Variants in DIS3L2 observed in about 807,000 individuals in gnomAD.
The protein encoded by DIS3L2 is DIS3-like exonuclease 2.
DIS3L2 carries 34 observed loss-of-function variants against 97.5 expected under a neutral mutation model. That is an observed-to-expected ratio of 0.35 (90% CI 0.27 to 0.46). DIS3L2 has a LOEUF of 0.46. Ranked by LOEUF, DIS3L2 falls within the 20% of genes least tolerant of loss-of-function variation. The pLI, the probability that DIS3L2 is intolerant of heterozygous loss-of-function variation, is 1.00. For missense variants in DIS3L2, 1,038 were observed against 1,146.0 expected, an observed-to-expected ratio of 0.91 and a Z score of 1.36; for synonymous variants, 435 against 445.2, an observed-to-expected ratio of 0.98 and a Z score of 0.29.
At chr2:232,332,183 C>T (rs1352271502) in intron 16 of DIS3L2, among the ~76,000 whole-genome samples, 2 of 146,634 alleles carry the variant, frequency 1.4e-5, no homozygotes, top group African/African-American at 2.5e-5. Flanking sequence ...TCACCCAGGT[C>T]ATCTGGGGAA....
chr2:232,167,443 T>G (rs1251767916), intron 9 of DIS3L2, among the ~76,000 whole-genome samples: 1 of 152,214 alleles, frequency 6.6e-6, no homozygotes, highest in Non-Finnish European at 1.5e-5. Flanking sequence ...AAAATTTTAC[T>G]TTAACAACTA....
chr2:232,084,232 G>A (rs1300096158), intron 5 of DIS3L2, among the ~76,000 whole-genome samples: 2 of 152,134 alleles, frequency 1.3e-5, no homozygotes, highest in African/African-American at 2.4e-5. Flanking sequence ...TGCAGATGGG[G>A]GAGCTGGTTT....
intron 9 of DIS3L2, among the ~76,000 whole-genome samples, chr2:232,203,409 C>G (rs1039750434): frequency 6.6e-6 from 1 of 152,146 alleles, no homozygotes; most frequent in Non-Finnish European, 1.5e-5. Context: ...GAAAAGGACA[C>G]CCTTGGAAAC....
chr2:232,323,882 T>G (rs1209078233), intron 14 of DIS3L2, among the ~76,000 whole-genome samples: 2 of 151,896 alleles, frequency 1.3e-5, no homozygotes, highest in African/African-American at 4.8e-5. Context: ...GTGCTCTGCC[T>G]GCGGCTCCCT....
At position 232,325,799 on chromosome 2, in the gene DIS3L2, G is replaced by A. The variant is rs2003220; in HGVS notation, c.1740-4014G>A. Among the ~76,000 whole-genome samples, 17,015 of 152,248 alleles carry A rather than the reference G, an allele frequency of 0.11. 1,402 individuals carry two copies. The highest frequency in any genetic ancestry group is 0.23 in the African/African-American group (9,688 of 41,532). On this transcript the variant is annotated intron_variant, in intron 14 of 20. Coordinates refer to ENST00000325385, the MANE Select transcript of DIS3L2 (RefSeq NM_152383.5). This position sits in a 1 kb window ranked among gnomAD's most constrained non-coding sequence, Gnocchi z 4.6. The stretch of plus-strand genomic sequence containing the variant: ...CCTGAGCTCCAGCGCCCCATCCCCC[G>A]CAGGGCCCAGTGATCTCACGCCTGT...
chr2:232,055,092 C>G (rs866593544), intron 5 of DIS3L2, among the ~76,000 whole-genome samples: 37 of 152,178 alleles, frequency 2.4e-4, no homozygotes, highest in African/African-American at 8.4e-4. Flanking sequence ...AGAAGACTTT[C>G]ATCTGATAAA....
rs116944804 is a variant in DIS3L2, at chr2:232,236,168, A to T, written c.1205-2365A>T. Among the ~76,000 whole-genome samples the T allele has an allele frequency of 1.3e-3, 199 of 151,896 alleles. 9 individuals are homozygous for T. In the East Asian group the frequency reaches 0.036, roughly 27 times the overall value. ...ATCTTAAATTCTTTTCCTTGCCTGAACCCCTTTTTTCAAGCATCCCACGTT... is the reference window on the plus strand; with the variant it reads ...ATCTTAAATTCTTTTCCTTGCCTGATCCCCTTTTTTCAAGCATCCCACGTT... On this transcript the variant is annotated intron_variant, in intron 10 of 20. Transcript: ENST00000325385.
chr2:232,242,189 A>G (rs1359721835), intron 11 of DIS3L2, among the ~76,000 whole-genome samples: 1 of 152,234 alleles, frequency 6.6e-6, no homozygotes, highest in Non-Finnish European at 1.5e-5. Flanking sequence ...TGGCAAGTGA[A>G]TTAATCTATT....
chr2:232,148,927 G>C (rs1690308827), intron 8 of DIS3L2, among the ~76,000 whole-genome samples: 2 of 147,228 alleles, frequency 1.4e-5, no homozygotes. Context: ...TACATTTACT[G>C]ATTGAAGCAG....
intron 13 of DIS3L2, among the ~76,000 whole-genome samples, chr2:232,266,362 C>T (rs1472501369): frequency 1.3e-5 from 2 of 152,212 alleles, no homozygotes; most frequent in African/African-American, 4.8e-5. Flanking sequence ...TGCTTATATG[C>T]AAGAAATTCA....
Position 232,327,136 on chromosome 2 carries a change from A to G in DIS3L2, c.1740-2677A>G, listed in dbSNP as rs538135031. Among the ~76,000 whole-genome samples, 382 of 152,016 alleles carry G rather than the reference A, an allele frequency of 2.5e-3. 1 individual carries two copies. Among genetic ancestry groups the G allele is most frequent in the Non-Finnish European group, 4.4e-3 (301 of 67,916 alleles). ...GCCCTGAGAGGCCCCCAGATATTCAATTCCTAAACCCATAGAGGGTGGGGC... is the reference window on the plus strand; with the variant it reads ...GCCCTGAGAGGCCCCCAGATATTCAGTTCCTAAACCCATAGAGGGTGGGGC... On this transcript the variant is annotated intron_variant, in intron 14 of 20. Coordinates refer to ENST00000325385, the MANE Select transcript of DIS3L2 (RefSeq NM_152383.5).
At chr2:232,256,604 C>T (rs771925998) in intron 12 of DIS3L2, among the ~76,000 whole-genome samples, 7 of 152,208 alleles carry the variant, frequency 4.6e-5, no homozygotes, top group Non-Finnish European at 1.0e-4. Flanking sequence ...TTGCTTTCCA[C>T]TCCTCTTTCC....
intron 13 of DIS3L2, among the ~76,000 whole-genome samples, chr2:232,283,268 C>A (rs1694344738): frequency 6.6e-6 from 1 of 152,196 alleles, no homozygotes; most frequent in Non-Finnish European, 1.5e-5. Context: ...GGAATCATTT[C>A]TCTTTTTATT....
At chr2:232,244,893 C>T (rs1445832195) in intron 11 of DIS3L2, among the ~76,000 whole-genome samples, 1 of 152,150 alleles carries the variant, frequency 6.6e-6, no homozygotes, top group African/African-American at 2.4e-5. Flanking sequence ...CTTAGCAACT[C>T]ACCTCCACAC....
intron 6 of DIS3L2, among the ~76,000 whole-genome samples, chr2:232,121,537 T>TA (rs1362763216): frequency 6.6e-6 from 1 of 152,188 alleles, no homozygotes; most frequent in Non-Finnish European, 1.5e-5. Context: ...TCTGATACCT[T>TA]AAACTAAAAA....
chr2:232,186,884 A>G (rs553424715), intron 9 of DIS3L2, among the ~76,000 whole-genome samples: 1 of 152,336 alleles, frequency 6.6e-6, no homozygotes, highest in East Asian at 1.9e-4. Flanking sequence ...CAAAAGAGTA[A>G]ACCTTAGTGA....
intron 9 of DIS3L2, among the ~76,000 whole-genome samples, chr2:232,164,033 G>A (rs928476216): frequency 1.3e-5 from 2 of 152,152 alleles, no homozygotes; most frequent in Non-Finnish European, 2.9e-5. Flanking sequence ...AGACCATATG[G>A]CCTGCAAAGC....
chr2:231,976,733 C>T (rs547834551), intron 1 of DIS3L2, among the ~76,000 whole-genome samples: 2 of 149,906 alleles, frequency 1.3e-5, no homozygotes, highest in Non-Finnish European at 3.0e-5. Context: ...TTATGTTAGC[C>T]TAAAGTTTGG....
chr2:232,320,185 G>C (rs528822839), intron 14 of DIS3L2, among the ~76,000 whole-genome samples: 38 of 152,114 alleles, frequency 2.5e-4, no homozygotes, highest in South Asian at 6.2e-4. Context: ...GTTCTGGGGG[G>C]GGTGGGGGAC....
Sources: gnomAD v4.1 joint callset for allele counts (sites outside exome capture counted in the v4.1 genomes callset) on GRCh38, gnomAD v4.1.1 for gene constraint, Gnocchi (gnomAD v3.1) non-coding constraint, MANE v1.5 for transcripts, NCBI Gene and HGNC (gene_info 2026-07-23, HGNC 2026-07-21) for gene names.